Variants in ZNF229 observed in about 807,000 individuals in gnomAD.
The protein encoded by ZNF229 is zinc finger protein 229.
A neutral mutation model predicts 11.8 loss-of-function variants in ZNF229; 10 were observed. That is an observed-to-expected ratio of 0.85 (90% CI 0.52 to 1.44). The LOEUF is 1.44. Among genes scored for constraint, ZNF229 ranks in the 40% most tolerant of loss-of-function variants. The probability of loss-of-function intolerance (pLI) is 0.00; values close to 1 mark genes in which losing one functional copy is unlikely to be tolerated. For missense variants in ZNF229, 1,045 were observed against 1,015.1 expected (o/e 1.03, Z -0.40); for synonymous variants, 368 against 374.8 (o/e 0.98, Z 0.21).
Position 44,429,805 on chromosome 19 carries a change from G to A in ZNF229, c.976C>T (p.Arg326Cys), listed in dbSNP as rs757827316. The A allele has an allele frequency of 1.1e-5, 18 of 1,613,798 alleles. 1 individual carries two copies. Among genetic ancestry groups the A allele is most frequent in the South Asian group, 9.9e-5 (9 of 91,084 alleles). Residue 326 changes from arginine (R) to cysteine (C), a missense_variant, in exon 6 of 6, where the codon CGT becomes TGT. Transcript: ENST00000614049. ...GTGTTCTGTCTGACGCCCCGACCACGCTCAAGACTCTTAACAGATTTCTCT... is the reference window on the plus strand; with the variant it reads ...GTGTTCTGTCTGACGCCCCGACCACACTCAAGACTCTTAACAGATTTCTCT... ...TGEKSVKSLE[R>C]GRGVRQNTHI...
chr19:44,432,174 T>C (rs761846705), intron 5 of ZNF229, 48 bp downstream of exon 5: 2 of 1,557,478 alleles, frequency 1.3e-6, no homozygotes, highest in Admixed American at 2.2e-5. Flanking sequence ...GCCAAAAATA[T>C]CTTCTCTCCA....
Position 44,430,030 on chromosome 19 carries a change from T to A in ZNF229, c.751A>T (p.Lys251Ter). 1.2e-6 allele frequency: 2 copies of A among 1,614,194 alleles called. No individual in the cohort carries two copies. The highest frequency in any genetic ancestry group is 1.3e-5 in the African/African-American group (1 of 75,010). The change falls in exon 6 of 6, where the codon AAA becomes TAA. Residue 251 changes from lysine to a stop codon, truncating the protein, a stop_gained. Coordinates refer to ENST00000614049, the MANE Select transcript of ZNF229 (RefSeq NM_014518.4). LOFTEE classifies it low-confidence loss of function (END_TRUNC). ...GCNKCRKDCIKNSVLHRINPG... is the reference protein window; with the variant it reads ...GCNKCRKDCI ...TTAATGCGATGAAGTACAGAGTTTT[T>A]AATGCAGTCTTTTCTGCATTTATTG...
chr19:44,446,475 A>G (rs1972004899), intron 2 of ZNF229, among the ~76,000 whole-genome samples: 1 of 152,162 alleles, frequency 6.6e-6, no homozygotes, highest in African/African-American at 2.4e-5. Flanking sequence ...AATAAAGATA[A>G]TCCTTACTTG....
intron 4 of ZNF229, among the ~76,000 whole-genome samples, chr19:44,435,404 C>T (rs1347595685): frequency 6.6e-6 from 1 of 152,152 alleles, no homozygotes; most frequent in Non-Finnish European, 1.5e-5. Context: ...GGGGAAAAGA[C>T]GCATGGGGTG....
At chr19:44,446,826 A>T (rs962106668) in intron 2 of ZNF229, among the ~76,000 whole-genome samples, 2 of 152,166 alleles carry the variant, frequency 1.3e-5, no homozygotes, top group Admixed American at 6.5e-5. Context: ...CAAACATGAT[A>T]GATTCCTGTT....
At chr19:44,448,507 A>C (rs1186118995), upstream of ZNF229, 5 of 152,092 alleles carry the variant, frequency 3.3e-5, no homozygotes, top group Non-Finnish European at 7.3e-5. Context: ...AGTCGACTCG[A>C]GGTGTGGGAC....
chr19:44,444,268 G>A (rs183054498), intron 2 of ZNF229, among the ~76,000 whole-genome samples: 4 of 152,172 alleles, frequency 2.6e-5, no homozygotes, highest in African/African-American at 4.8e-5. Flanking sequence ...AAGTCTCAAG[G>A]TCAAGTTCAG....
At chr19:44,442,777 G>A (rs750918076) in intron 3 of ZNF229, 37 bp downstream of exon 3, 2 of 1,607,284 alleles carry the variant, frequency 1.2e-6, no homozygotes, top group Non-Finnish European at 1.7e-6. Context: ...ACTCAGTTTG[G>A]ATTCTCCCCC....
intron 4 of ZNF229, 42 bp downstream of exon 4, chr19:44,442,521 T>C (rs780399644): frequency 1.2e-6 from 2 of 1,600,756 alleles, no homozygotes; most frequent in East Asian, 2.2e-5. Context: ...TTCTCTCTGA[T>C]GCCTAAGGTG....
At chr19:44,440,925 A>G (rs2123373088) in intron 4 of ZNF229, among the ~76,000 whole-genome samples, 1 of 152,070 alleles carries the variant, frequency 6.6e-6, no homozygotes, top group South Asian at 2.1e-4. Context: ...AGATTTTACC[A>G]TGTTGCCCAG....
Position 44,429,688 on chromosome 19 carries a change from G to C in ZNF229, c.1093C>G (p.Leu365Val). Reference protein sequence around the residue: ...GKGFRYKSVLLIHQGVHTGRR... With the variant: ...GKGFRYKSVLVIHQGVHTGRR... ...CCTGTGTGCACCCCTTGATGAATAA[G>C]AAGAACCGATTTATACCTGAACCCC... is the stretch of plus-strand genomic sequence containing the variant. Residue 365 changes from leucine (L) to valine (V), a missense_variant, in exon 6 of 6, where the codon CTT becomes GTT. Physicochemically the swap from Leu to Val is conservative, Grantham distance 32 (BLOSUM62 1). Coordinates refer to ENST00000614049, the MANE Select transcript of ZNF229 (RefSeq NM_014518.4). The C allele has an allele frequency of 6.2e-7, 1 of 1,613,908 alleles. No individual in the cohort carries two copies.
intron 4 of ZNF229, among the ~76,000 whole-genome samples, chr19:44,435,536 A>G (rs1971797272): frequency 6.6e-6 from 1 of 152,216 alleles, no homozygotes. Context: ...CTATCAGAGA[A>G]GATCAGCGGA....
At chr19:44,444,182 G>T (rs1220658076) in intron 2 of ZNF229, among the ~76,000 whole-genome samples, 1 of 152,108 alleles carries the variant, frequency 6.6e-6, no homozygotes, top group African/African-American at 2.4e-5. Context: ...AGAGCTACTC[G>T]GGAGGTAGTG....
In ZNF229 at chr19:44,426,511, T is replaced by C. The variant is rs922918293; in HGVS notation, c.*1792A>G. 8 of 152,166 alleles carry C rather than the reference T, an allele frequency of 5.3e-5. No homozygotes were observed. Among genetic ancestry groups the C allele is most frequent in the African/African-American group, 1.4e-4 (6 of 41,400 alleles). The allele number at this position is 152,166 out of a possible 1,614,324, so 9.4% of individuals were successfully genotyped here. A position where few individuals can be genotyped will look rare whatever the true frequency, so the allele number is the denominator to read the frequency against. On this transcript the variant is annotated 3_prime_UTR_variant, in exon 6 of 6. Coordinates refer to ENST00000614049, the MANE Select transcript of ZNF229 (RefSeq NM_014518.4). ...ATACTAACAAAATGGGGTCATGCTA[T>C]AATTGTTGTTCTAAAACTCTCCTGG...
At chr19:44,434,524 C>T (rs1449095787) in intron 4 of ZNF229, among the ~76,000 whole-genome samples, 1 of 152,154 alleles carries the variant, frequency 6.6e-6, no homozygotes, top group Admixed American at 6.5e-5. Context: ...CTAATTGTTC[C>T]AGTTCAGTGA....
In ZNF229 at chr19:44,432,245, G is replaced by A; in HGVS notation, c.215C>T (p.Ser72Leu). 1 of 1,613,606 alleles carries A rather than the reference G, an allele frequency of 6.2e-7. No homozygotes were observed. ...ACCCAGAGGATTCCTCTCACCCACT[G>A]AGAGTAGGTTCCTGAAATTCTCCTG... ...VMQENFRNLL[S>L]VGERNPLGDK... The change falls in exon 5 of 6, where the codon TCA becomes TTA. Residue 72 changes from serine (S) to leucine (L), a missense_variant. Ser to Leu is a moderately radical substitution (Grantham distance 145, BLOSUM62 -2). Transcript: ENST00000614049.
chr19:44,432,807 T>C (rs1971749303), intron 4 of ZNF229, among the ~76,000 whole-genome samples: 1 of 151,840 alleles, frequency 6.6e-6, no homozygotes, highest in Non-Finnish European at 1.5e-5. Flanking sequence ...AACCTGCACA[T>C]TGTGCACATG....
In ZNF229 at chr19:44,429,772, G is replaced by C. The variant is rs12151338; in HGVS notation, c.1009C>G (p.Arg337Gly). The C allele has an allele frequency of 2.5e-6, 4 of 1,613,724 alleles. No individual in the cohort carries two copies. Among genetic ancestry groups the C allele is most frequent in the South Asian group, 2.2e-5 (2 of 91,082 alleles). ...CCCACAGGGGCTCTGGGGTGGTTACGTATGTGCGTGTTCTGTCTGACGCCC... is the reference window on the plus strand; with the variant it reads ...CCCACAGGGGCTCTGGGGTGGTTACCTATGTGCGTGTTCTGTCTGACGCCC... ...GRGVRQNTHI[R>G]NHPRAPVGDM... Residue 337 changes from arginine to glycine, a missense_variant, in exon 6 of 6, where the codon CGT becomes GGT. Physicochemically the swap from Arg to Gly is moderately radical, Grantham distance 125. Transcript: ENST00000614049.
intron 4 of ZNF229, among the ~76,000 whole-genome samples, chr19:44,441,372 T>C (rs1442284360): frequency 6.6e-6 from 1 of 152,220 alleles, no homozygotes; most frequent in Admixed American, 6.5e-5. Context: ...AAGAAGTGAA[T>C]CAAATCTTCA....
Sources: gnomAD v4.1 joint callset for allele counts (sites outside exome capture counted in the v4.1 genomes callset) on GRCh38, gnomAD v4.1.1 for gene constraint, MANE v1.5 for transcripts, NCBI Gene and HGNC (gene_info 2026-07-23, HGNC 2026-07-21) for gene names.